The following AJAP1 variants were observed in gnomAD, a reference collection of about 807,000 sequenced individuals.
The protein encoded by AJAP1 is adherens junctions associated protein 1.
A neutral mutation model predicts 35.0 loss-of-function variants in AJAP1; 5 were observed. That is an observed-to-expected ratio of 0.14 (90% CI 0.07 to 0.30). The LOEUF (loss-of-function observed/expected upper bound fraction) is 0.30. Among genes scored for constraint, AJAP1 ranks in the 10% least tolerant of loss-of-function variants. The pLI is 1.00. For synonymous variants in AJAP1, 284 were observed against 249.3 expected (o/e 1.14, Z -1.31); for missense variants, 586 against 571.0 (o/e 1.03, Z -0.27).
rs374583204 is a variant in AJAP1 at position 4,772,768 on chromosome 1, G to A, written c.1163+243G>A. Among the ~76,000 whole-genome samples, 103 of 152,310 alleles carry A rather than the reference G, an allele frequency of 6.8e-4. 2 individuals carry two copies. In the South Asian group the frequency reaches 0.02, roughly 30 times the overall value. On this transcript the variant is annotated intron_variant, in intron 4 of 5. Transcript: ENST00000378191. ...GGAATTTCCTTCCAGACCCCTGGAC[G>A]TGGGCAGTGGCGGGAAATGCATAGT...
At chr1:4,746,609 C>T (rs531334138) in intron 2 of AJAP1, among the ~76,000 whole-genome samples, 33 of 152,326 alleles carry the variant, frequency 2.2e-4, no homozygotes, top group Non-Finnish European at 3.8e-4. Flanking sequence ...CAGGTGCCTT[C>T]TAAGGCTAAT....
intron 2 of AJAP1, among the ~76,000 whole-genome samples, chr1:4,746,260 T>A (rs1641186069): frequency 6.6e-6 from 1 of 152,172 alleles, no homozygotes; most frequent in South Asian, 2.1e-4. Context: ...GTGTCTCAAA[T>A]ATCCCTCTCC....
At chr1:4,672,175 G>A (rs1167789185) in intron 1 of AJAP1, among the ~76,000 whole-genome samples, 4 of 152,170 alleles carry the variant, frequency 2.6e-5, no homozygotes, top group South Asian at 2.1e-4. Flanking sequence ...AGGAGGGAGC[G>A]GTCGGGAGTC....
intron 1 of AJAP1, among the ~76,000 whole-genome samples, chr1:4,674,109 G>A (rs1639310892): frequency 1.3e-5 from 2 of 151,340 alleles, no homozygotes; most frequent in East Asian, 1.9e-4. Flanking sequence ...ATGTTACTGG[G>A]CATTCTATAT....
At chr1:4,763,042 C>T (rs916319211) in intron 2 of AJAP1, among the ~76,000 whole-genome samples, 2 of 152,160 alleles carry the variant, frequency 1.3e-5, no homozygotes, top group Non-Finnish European at 1.5e-5. Flanking sequence ...TGGGCTCACA[C>T]CTCACCCTCT....
chr1:4,723,174 G>C lies in AJAP1; in HGVS notation c.829+10475G>C, dbSNP rs1220299020. Among the ~76,000 whole-genome samples the C allele has an allele frequency of 6.6e-6, 1 of 152,168 alleles. No individual in the cohort carries two copies. The stretch of plus-strand genomic sequence containing the variant: ...TTTAGTCTGAGCAACTCTTTCTTCA[G>C]CTGAAAGGGGTGCATTTAATTGAGA... On this transcript the variant is annotated intron_variant, in intron 2 of 5. Transcript: ENST00000378191. This position sits in a 1 kb window ranked among gnomAD's most constrained non-coding sequence, Gnocchi z 4.3.
intron 1 of AJAP1, among the ~76,000 whole-genome samples, chr1:4,687,157 A>C (rs528722106): frequency 1.8e-4 from 28 of 152,258 alleles, no homozygotes; most frequent in African/African-American, 6.5e-4. Flanking sequence ...TTCCATAGAC[A>C]TGGACAATAA....
At position 4,693,592 on chromosome 1, in the gene AJAP1, T is replaced by G. The variant is rs1273658383; in HGVS notation, c.30-18308T>G. 6.6e-6 allele frequency among the ~76,000 whole-genome samples: 1 copy of G among 152,208 alleles called. No homozygotes were observed. The highest frequency in any genetic ancestry group is 1.5e-5 in the Non-Finnish European group (1 of 68,034). On this transcript the variant is annotated intron_variant, in intron 1 of 5. Transcript: ENST00000378191. This position sits in a 1 kb window ranked among gnomAD's most constrained non-coding sequence, Gnocchi z 4.4. ...GGGGAGGAAGAGTTGCCAGCTCATG[T>G]CAGACTTGATTAGTGCCTGTCTTAG...
At chr1:4,747,054 G>A (rs1360397852) in intron 2 of AJAP1, among the ~76,000 whole-genome samples, 1 of 152,228 alleles carries the variant, frequency 6.6e-6, no homozygotes, top group East Asian at 1.9e-4. Flanking sequence ...GAACGCCACT[G>A]TCCCAGCCTC....
At position 4,725,327 on chromosome 1, in the gene AJAP1, G is replaced by A. The variant is rs147881658; in HGVS notation, c.829+12628G>A. Among the ~76,000 whole-genome samples, 1,306 of 152,294 alleles carry A rather than the reference G, an allele frequency of 8.6e-3. 21 individuals carry two copies. Among genetic ancestry groups the A allele is most frequent in the African/African-American group, 0.029 (1,225 of 41,572 alleles). ...CGTGTGTGGGGAAGGGATGTGAGTG[G>A]GGTGGGCCATCTGGGATACTTGGTG... On this transcript the variant is annotated intron_variant, in intron 2 of 5. Coordinates refer to ENST00000378191, the MANE Select transcript of AJAP1 (RefSeq NM_018836.4).
chr1:4,734,692 C>T lies in AJAP1; in HGVS notation c.829+21993C>T, dbSNP rs898393429. Among the ~76,000 whole-genome samples the T allele has an allele frequency of 8.6e-5, 13 of 152,044 alleles. No homozygotes were observed. Among genetic ancestry groups the T allele is most frequent in the Admixed American group, 7.9e-4 (12 of 15,268 alleles). On this transcript the variant is annotated intron_variant, in intron 2 of 5. Transcript: ENST00000378191. This position sits in a 1 kb window ranked among gnomAD's most constrained non-coding sequence, Gnocchi z 4.3. Reference sequence around the variant, plus strand: ...ATGGGGCTGGAGTGGCACCTGTGGGCGATGCTGAATATGATGCATGATCTG... The same window carrying T: ...ATGGGGCTGGAGTGGCACCTGTGGGTGATGCTGAATATGATGCATGATCTG...
Position 4,712,391 on chromosome 1 carries a change from C to A in AJAP1, c.521C>A (p.Pro174His). 6.4e-7 allele frequency: 1 copy of A among 1,568,868 alleles called. No individual in the cohort carries two copies. Among genetic ancestry groups the A allele is most frequent in the Non-Finnish European group, 8.6e-7 (1 of 1,156,174 alleles). The part of the protein sequence containing the change: ...LSSFDSRGSR[P>H]TTETEFIAWG... ...AGCTTCGACTCCAGAGGCAGCCGGC[C>A]CACCACAGAGACTGAGTTCATCGCC... Residue 174 changes from proline to histidine, a missense_variant, in exon 2 of 6, where the codon CCC becomes CAC. By Grantham distance (77) the Pro-to-His change is moderately conservative (BLOSUM62 -2). Coordinates refer to ENST00000378191, the MANE Select transcript of AJAP1 (RefSeq NM_018836.4).
chr1:4,742,433 G>A (rs1479931763), intron 2 of AJAP1, among the ~76,000 whole-genome samples: 2 of 152,160 alleles, frequency 1.3e-5, no homozygotes, highest in Admixed American at 1.3e-4. Flanking sequence ...GGTCATGAAA[G>A]TCTAGGAAGG....
At chr1:4,661,377 C>G (rs1397714291) in intron 1 of AJAP1, among the ~76,000 whole-genome samples, 4 of 152,246 alleles carry the variant, frequency 2.6e-5, no homozygotes, top group African/African-American at 9.6e-5. Flanking sequence ...TTGTCCCACT[C>G]CACCCTCATG....
chr1:4,764,130 A>G (rs1219065559), intron 2 of AJAP1, among the ~76,000 whole-genome samples: 3 of 152,104 alleles, frequency 2.0e-5, no homozygotes, highest in African/African-American at 7.2e-5. Context: ...TTCGGCCTTC[A>G]TAATCACATG....
chr1:4,692,192 G>A lies in AJAP1; in HGVS notation c.30-19708G>A, dbSNP rs958690322. Among the ~76,000 whole-genome samples the A allele has an allele frequency of 7.2e-5, 11 of 152,166 alleles. No homozygotes were observed. The highest frequency in any genetic ancestry group is 7.2e-4 in the Admixed American group (11 of 15,280). On this transcript the variant is annotated intron_variant, in intron 1 of 5. Coordinates refer to ENST00000378191, the MANE Select transcript of AJAP1 (RefSeq NM_018836.4). The surrounding 1 kb of genome is among the most constrained non-coding windows in gnomAD (Gnocchi z 4.4). ...CCGCTTAATAGGTGAGGAAACTTAGGCACAGAGGCACTCACTGTGCCAGGC... is the reference window on the plus strand; with the variant it reads ...CCGCTTAATAGGTGAGGAAACTTAGACACAGAGGCACTCACTGTGCCAGGC...
chr1:4,759,326 G>A (rs1051718786), intron 2 of AJAP1, among the ~76,000 whole-genome samples: 8 of 152,210 alleles, frequency 5.3e-5, no homozygotes, highest in African/African-American at 1.9e-4. Context: ...CTTATAGTCT[G>A]TTTAATTTGG....
intron 2 of AJAP1, among the ~76,000 whole-genome samples, chr1:4,769,129 C>G (rs1641768573): frequency 6.6e-6 from 1 of 152,184 alleles, no homozygotes; most frequent in African/African-American, 2.4e-5. Flanking sequence ...CCCCCCACCT[C>G]CCCATTCAGG....
chr1:4,696,106 T>C (rs529578244), intron 1 of AJAP1, among the ~76,000 whole-genome samples: 1 of 152,210 alleles, frequency 6.6e-6, no homozygotes, highest in East Asian at 1.9e-4. Context: ...AGGGAATGGC[T>C]CCTATAAAAA....
Sources: allele counts gnomAD v4.1 joint callset (sites outside exome capture counted in the v4.1 genomes callset), GRCh38; gene constraint gnomAD v4.1.1; non-coding constraint Gnocchi (gnomAD v3.1); transcripts MANE v1.5; gene names NCBI Gene and HGNC (gene_info 2026-07-23, HGNC 2026-07-21).